CAMTA1: variants seen among roughly 807,000 people sequenced by gnomAD.
The protein encoded by CAMTA1 is calmodulin binding transcription activator 1.
CAMTA1 carries 27 observed loss-of-function variants against 170.9 expected under a neutral mutation model. That is an observed-to-expected ratio of 0.16 (90% CI 0.12 to 0.22). CAMTA1 has a LOEUF of 0.22. CAMTA1 is among the 10% of genes least tolerant of loss of function. The pLI is 1.00. For synonymous variants in CAMTA1, 833 were observed against 891.5 expected (o/e 0.93, Z 1.17); for missense variants, 1,619 against 2,217.2 (o/e 0.73, Z 5.42).
intron 5 of CAMTA1, among the ~76,000 whole-genome samples, chr1:7,351,228 G>A (rs2084645798): frequency 6.6e-6 from 1 of 152,264 alleles, no homozygotes; most frequent in Non-Finnish European, 1.5e-5. Context: ...CGATCCTGAT[G>A]TCTGAGGAAT....
At chr1:7,237,824 C>G (rs1213039585) in intron 4 of CAMTA1, among the ~76,000 whole-genome samples, 1 of 152,240 alleles carries the variant, frequency 6.6e-6, no homozygotes, top group East Asian at 1.9e-4. Context: ...TCAGTCCCCT[C>G]ATTGTTACTC....
intron 4 of CAMTA1, among the ~76,000 whole-genome samples, chr1:7,222,979 C>T (rs958693628): frequency 2.6e-5 from 4 of 152,276 alleles, no homozygotes; most frequent in Non-Finnish European, 4.4e-5. Flanking sequence ...TACCAACTCA[C>T]CCAATGCCAA....
At position 7,570,692 on chromosome 1, in the gene CAMTA1, T is replaced by C. The variant is rs943053953; in HGVS notation, c.511-69708T>C. 3.3e-5 allele frequency among the ~76,000 whole-genome samples: 5 copies of C among 152,368 alleles called. No individual in the cohort carries two copies. In the South Asian group the frequency reaches 8.3e-4, roughly 25 times the overall value. On this transcript the variant is annotated intron_variant, in intron 6 of 22. Coordinates refer to ENST00000303635, the MANE Select transcript of CAMTA1 (RefSeq NM_015215.4). This position sits in a 1 kb window ranked among gnomAD's most constrained non-coding sequence, Gnocchi z 4.3. ...GGCCAAGGTCCTGTCAGCCTCCTGC[T>C]GTGTCAGCACAGACCCTGCCTGGGA...
intron 3 of CAMTA1, among the ~76,000 whole-genome samples, chr1:6,892,990 A>AT (rs1233633052): frequency 2.6e-5 from 4 of 152,248 alleles, no homozygotes; most frequent in Non-Finnish European, 5.9e-5. Flanking sequence ...TAAAAAAAAA[A>AT]AGAGCTGTGG....
intron 5 of CAMTA1, among the ~76,000 whole-genome samples, chr1:7,344,123 A>T (rs1449266640): frequency 6.6e-6 from 1 of 152,168 alleles, no homozygotes; most frequent in African/African-American, 2.4e-5. Context: ...CAGAGGGGTA[A>T]CTCTGATTTG....
intron 6 of CAMTA1, among the ~76,000 whole-genome samples, chr1:7,612,951 G>C (rs2095533571): frequency 6.6e-6 from 1 of 152,246 alleles, no homozygotes; most frequent in African/African-American, 2.4e-5. Flanking sequence ...CCATCACCCT[G>C]TGGGTTGGTC....
chr1:7,142,585 C>G (rs1645950893), intron 4 of CAMTA1, among the ~76,000 whole-genome samples: 1 of 152,202 alleles, frequency 6.6e-6, no homozygotes, highest in Admixed American at 6.5e-5. Context: ...TGGTGTCATC[C>G]TTGCGGTAAT....
intron 3 of CAMTA1, among the ~76,000 whole-genome samples, chr1:6,837,652 C>T (rs1388567793): frequency 6.6e-6 from 1 of 152,118 alleles, no homozygotes; most frequent in Non-Finnish European, 1.5e-5. Flanking sequence ...GATCCGCATT[C>T]CTGGTGTCAG....
intron 6 of CAMTA1, among the ~76,000 whole-genome samples, chr1:7,589,974 G>C (rs531125393): frequency 1.3e-5 from 2 of 152,308 alleles, no homozygotes; most frequent in East Asian, 3.9e-4. Context: ...GTTGTGTGCA[G>C]ATGGGATTTT....
chr1:7,130,960 CTTT>C (rs1026936946), intron 4 of CAMTA1, among the ~76,000 whole-genome samples: 1 of 144,280 alleles, frequency 6.9e-6, no homozygotes. Context: ...CTTTTCTTTT[CTTT>C]TTTTTTTTTG....
intron 6 of CAMTA1, among the ~76,000 whole-genome samples, chr1:7,560,562 T>G (rs1166626067): frequency 6.6e-6 from 1 of 152,224 alleles, no homozygotes; most frequent in Non-Finnish European, 1.5e-5. Flanking sequence ...GTAAGGCCTA[T>G]GCATCCAAAG....
intron 5 of CAMTA1, among the ~76,000 whole-genome samples, chr1:7,417,112 C>T (rs2091233586): frequency 6.6e-6 from 1 of 152,244 alleles, no homozygotes; most frequent in Admixed American, 6.5e-5. Context: ...ACCGCAAATG[C>T]TGCTGCCTGA....
chr1:7,569,172 C>T (rs111161919), intron 6 of CAMTA1, among the ~76,000 whole-genome samples: 6,647 of 150,812 alleles, frequency 0.044, 508 homozygotes, highest in African/African-American at 0.15. Flanking sequence ...CTATCATCAT[C>T]GTGGTCACTA....
At chr1:7,655,099 CA>C (rs879751521) in intron 7 of CAMTA1, among the ~76,000 whole-genome samples, 21,487 of 45,142 alleles carry the variant, frequency 0.48, 4,686 homozygotes, top group South Asian at 0.66. Context: ...TATACACACA[CA>C]CCTATACACA....
chr1:6,995,191 C>T (rs150811547), intron 3 of CAMTA1, among the ~76,000 whole-genome samples: 126 of 150,418 alleles, frequency 8.4e-4, no homozygotes, highest in African/African-American at 2.8e-3. Flanking sequence ...CAGTATTTAT[C>T]GGTGCCAGCA....
At position 7,249,936 on chromosome 1, in the gene CAMTA1, T is replaced by C. The variant is rs748572411; in HGVS notation, c.438+310T>C. ...TATCACGGAAGAGCCTCTGGATGCA[T>C]TGAGAGTTTGCAAAGTGTCAGGGAA... On this transcript the variant is annotated intron_variant, in intron 5 of 22. Transcript: ENST00000303635. This position sits in a 1 kb window ranked among gnomAD's most constrained non-coding sequence, Gnocchi z 4.4. 2.6e-5 allele frequency among the ~76,000 whole-genome samples: 4 copies of C among 152,220 alleles called. No individual in the cohort carries two copies. The highest frequency in any genetic ancestry group is 1.9e-4 in the East Asian group (1 of 5,156).
intron 3 of CAMTA1, among the ~76,000 whole-genome samples, chr1:6,940,038 G>C (rs967564482): frequency 2.7e-4 from 41 of 152,280 alleles, no homozygotes; most frequent in Non-Finnish European, 5.3e-4. Context: ...CAGCATATCC[G>C]TGTCTAAGCA....
chr1:7,193,000 A>G (rs754391020), intron 4 of CAMTA1, among the ~76,000 whole-genome samples: 13 of 152,144 alleles, frequency 8.5e-5, no homozygotes, highest in Non-Finnish European at 1.8e-4. Flanking sequence ...CCAGGTGCCT[A>G]AACCCCACAT....
intron 3 of CAMTA1, among the ~76,000 whole-genome samples, chr1:7,016,691 CT>C (rs1019703483): frequency 6.6e-6 from 1 of 152,128 alleles, no homozygotes; most frequent in African/African-American, 2.4e-5. Flanking sequence ...AAAAATTAGC[CT>C]TGCGTGGTGG....
Sources: allele counts gnomAD v4.1 joint callset (sites outside exome capture counted in the v4.1 genomes callset), GRCh38; gene constraint gnomAD v4.1.1; non-coding constraint Gnocchi (gnomAD v3.1); transcripts MANE v1.5; gene names NCBI Gene and HGNC (gene_info 2026-07-23, HGNC 2026-07-21).